The following ALDH1A2 variants were observed in gnomAD, a reference collection of about 807,000 sequenced individuals.
ALDH1A2 encodes retinal dehydrogenase 2.
A neutral mutation model predicts 60.3 loss-of-function variants in ALDH1A2; 27 were observed. The ratio of observed to expected loss-of-function variants is 0.45; its 90% CI spans 0.33 to 0.62. The LOEUF is 0.62. ALDH1A2 is among the 20% of genes least tolerant of loss of function. The pLI is 0.02. For missense variants in ALDH1A2, 581 were observed against 643.8 expected, an observed-to-expected ratio of 0.90 and a Z score of 1.06; for synonymous variants, 289 against 232.4, an observed-to-expected ratio of 1.24 and a Z score of -2.21.
In ALDH1A2 at chr15:57,961,187, G is replaced by A. The variant is rs771512862; in HGVS notation, c.1359C>T (p.Asp453=). Residue 453 remains aspartate (D), a synonymous_variant, in exon 11 of 13, where the codon GAC becomes GAT. Coordinates refer to ENST00000249750, the MANE Select transcript of ALDH1A2 (RefSeq NM_003888.4). The stretch of plus-strand genomic sequence containing the variant: ...AAGACACTGTGAGGGCCTTGTTGAT[G>A]TCATTAGTAAAGACAGCTGCTACGA... The part of the protein sequence containing the change: ...FGLVAAVFTN[D]INKALTVSSA... 2 of 1,614,146 alleles carry A rather than the reference G, an allele frequency of 1.2e-6. No individual in the cohort carries two copies. The highest frequency in any genetic ancestry group is 3.3e-5 in the Admixed American group (2 of 60,026).
At chr15:58,032,440 G>A (rs902789237) in intron 1 of ALDH1A2, among the ~76,000 whole-genome samples, 1 of 152,048 alleles carries the variant, frequency 6.6e-6, no homozygotes, top group Non-Finnish European at 1.5e-5. Context: ...CACCAACATG[G>A]CACATGTATA....
chr15:58,019,640 G>C (rs1895870902), intron 1 of ALDH1A2, among the ~76,000 whole-genome samples: 1 of 152,122 alleles, frequency 6.6e-6, no homozygotes, highest in Non-Finnish European at 1.5e-5. Context: ...GTTTCTCAGA[G>C]GTTGGAGGGA....
chr15:57,989,286 T>A (rs961176836), intron 7 of ALDH1A2, among the ~76,000 whole-genome samples: 6 of 151,996 alleles, frequency 3.9e-5, no homozygotes, highest in Non-Finnish European at 8.8e-5. Flanking sequence ...AAGGGATTTT[T>A]ATCATATTAT....
At chr15:58,012,769 C>G (rs897408654) in intron 3 of ALDH1A2, among the ~76,000 whole-genome samples, 1 of 152,056 alleles carries the variant, frequency 6.6e-6, no homozygotes, top group Non-Finnish European at 1.5e-5. Context: ...AAGGGAAGAA[C>G]TATGGTAGGA....
At chr15:58,036,561 C>T (rs1300516170) in intron 1 of ALDH1A2, 1 of 151,548 alleles carries the variant, frequency 6.6e-6, no homozygotes, top group Non-Finnish European at 1.5e-5. Context: ...ACATGAACAG[C>T]ACCAGTTGGA....
At chr15:58,060,465 T>TAA (rs1323097467) in intron 1 of ALDH1A2, among the ~76,000 whole-genome samples, 4,143 of 59,554 alleles carry the variant, frequency 0.07, 88 homozygotes, top group East Asian at 0.13. Flanking sequence ...ACACATATCT[T>TAA]TTTTTTTTTT....
chr15:58,053,451 A>G (rs775243592), intron 1 of ALDH1A2, among the ~76,000 whole-genome samples: 2 of 152,168 alleles, frequency 1.3e-5, no homozygotes, highest in African/African-American at 2.4e-5. Context: ...ACACTCACAA[A>G]TAAGGCCCTC....
chr15:58,061,835 G>T (rs925680628), intron 1 of ALDH1A2, among the ~76,000 whole-genome samples: 1 of 152,124 alleles, frequency 6.6e-6, no homozygotes, highest in African/African-American at 2.4e-5. Flanking sequence ...CTATAAAAAT[G>T]TAAGTGGCAT....
At chr15:57,995,482 G>T (rs1895026449) in intron 4 of ALDH1A2, among the ~76,000 whole-genome samples, 1 of 151,988 alleles carries the variant, frequency 6.6e-6, no homozygotes, top group Non-Finnish European at 1.5e-5. Flanking sequence ...ATAACATGTA[G>T]AACAGTTGTT....
chr15:57,973,423 T>G (rs1317446540), intron 7 of ALDH1A2, among the ~76,000 whole-genome samples: 2 of 152,218 alleles, frequency 1.3e-5, no homozygotes, highest in African/African-American at 2.4e-5. Context: ...CACTTTGTAA[T>G]GTACCAATAG....
In ALDH1A2 at chr15:58,061,595, C is replaced by CAAAAAAAAAAAA. The variant is rs879500544; in HGVS notation, c.117+3927_117+3938dup. Reference sequence around the variant, plus strand: ...ATATAAAGATTTAAACTCCTTCCCTCAAAAAAAAAAAAAACAAAAAAAAAA... The same window carrying CAAAAAAAAAAAA: ...ATATAAAGATTTAAACTCCTTCCCTCAAAAAAAAAAAAAAAAAAAAAAAAAACAAAAAAAAAA... On this transcript the variant is annotated intron_variant, in intron 1 of 12. Transcript: ENST00000249750. Among the ~76,000 whole-genome samples, 201 of 43,008 alleles carry CAAAAAAAAAAAA rather than the reference C, an allele frequency of 4.7e-3. 4 individuals carry two copies. Among genetic ancestry groups the CAAAAAAAAAAAA allele is most frequent in the Non-Finnish European group, 7.1e-3 (141 of 19,976 alleles). The allele number at this position is 43,008 out of a possible 152,430, so 28.2% of individuals were successfully genotyped here.
intron 1 of ALDH1A2, among the ~76,000 whole-genome samples, chr15:58,060,827 G>A (rs1223170849): frequency 1.3e-5 from 2 of 152,128 alleles, no homozygotes; most frequent in African/African-American, 4.8e-5. Context: ...TAACTCAAGA[G>A]ACAAAAACTC....
chr15:57,971,320 T>G (rs937017526), intron 7 of ALDH1A2, among the ~76,000 whole-genome samples: 1 of 152,234 alleles, frequency 6.6e-6, no homozygotes, highest in Non-Finnish European at 1.5e-5. Flanking sequence ...CCTACAGGGT[T>G]TGGTGTTCCT....
chr15:57,967,027 A>C (rs1893918184), intron 7 of ALDH1A2, among the ~76,000 whole-genome samples: 1 of 152,234 alleles, frequency 6.6e-6, no homozygotes, highest in Non-Finnish European at 1.5e-5. Context: ...AAAATTAAAT[A>C]TTTTAAAAGC....
intron 7 of ALDH1A2, among the ~76,000 whole-genome samples, chr15:57,968,469 C>A (rs1893962938): frequency 6.6e-6 from 1 of 152,216 alleles, no homozygotes. Context: ...CTTCCTTCCT[C>A]CCAGCATTCT....
At chr15:58,019,547 C>T (rs114518611) in intron 1 of ALDH1A2, among the ~76,000 whole-genome samples, 2,073 of 152,230 alleles carry the variant, frequency 0.014, 54 homozygotes, top group African/African-American at 0.047. Context: ...TGCTGACTTA[C>T]TAAAATCATG....
intron 7 of ALDH1A2, chr15:57,991,381 G>T (rs983179124): frequency 7.2e-5 from 11 of 152,038 alleles, no homozygotes; most frequent in Non-Finnish European, 1.5e-4. Flanking sequence ...AACAAACAAG[G>T]TTAACTCGAC....
intron 7 of ALDH1A2, among the ~76,000 whole-genome samples, chr15:57,987,656 G>A (rs1224303465): frequency 6.6e-6 from 1 of 152,042 alleles, no homozygotes. Flanking sequence ...CGAGGCGGGC[G>A]GATCACGAGG....
chr15:58,028,206 C>A (rs920156556), intron 1 of ALDH1A2, among the ~76,000 whole-genome samples: 1 of 152,188 alleles, frequency 6.6e-6, no homozygotes, highest in African/African-American at 2.4e-5. Flanking sequence ...GATCCCTTGG[C>A]AGAAGCTCTA....
Sources: allele counts gnomAD v4.1 joint callset (sites outside exome capture counted in the v4.1 genomes callset), GRCh38; gene constraint gnomAD v4.1.1; transcripts MANE v1.5; gene names NCBI Gene and HGNC (gene_info 2026-07-23, HGNC 2026-07-21).